Variants in INSIG2 observed in about 807,000 individuals in gnomAD.
INSIG2 encodes insulin induced gene 2.
A neutral mutation model predicts 27.2 loss-of-function variants in INSIG2; 10 were observed. That is an observed-to-expected ratio of 0.37 (90% CI 0.23 to 0.62). The LOEUF is 0.62. Among genes scored for constraint, INSIG2 ranks in the 20% least tolerant of loss-of-function variants. The pLI, the probability that INSIG2 is intolerant of heterozygous loss-of-function variation, is 0.65. For synonymous variants in INSIG2, 97 were observed against 95.8 expected (o/e 1.01, Z -0.07); for missense variants, 178 against 270.2 (o/e 0.66, Z 2.39).
chr2:118,105,747 T>G (rs763413719), intron 3 of INSIG2, among the ~76,000 whole-genome samples: 4 of 152,172 alleles, frequency 2.6e-5, no homozygotes, highest in Non-Finnish European at 1.5e-5. Context: ...ATGGCTTCGT[T>G]GCAATTTCTT....
At chr2:118,094,233 A>ATATGAT (rs200583289) in intron 1 of INSIG2, among the ~76,000 whole-genome samples, 1 of 98,400 alleles carries the variant, frequency 1.0e-5, no homozygotes, top group Non-Finnish European at 2.1e-5. Context: ...AAAAGCAACC[A>ATATGAT]GATGATGATG....
intron 1 of INSIG2, among the ~76,000 whole-genome samples, chr2:118,090,180 ATTTAAC>A (rs1174651810): frequency 2.0e-5 from 3 of 152,200 alleles, no homozygotes; most frequent in Non-Finnish European, 2.9e-5. Flanking sequence ...TGAGGTAGTA[ATTTAAC>A]TTTATTATTT....
intron 1 of INSIG2, among the ~76,000 whole-genome samples, chr2:118,092,979 T>C (rs1309487911): frequency 7.1e-6 from 1 of 140,580 alleles, no homozygotes; most frequent in Non-Finnish European, 1.5e-5. Flanking sequence ...GTTCTGTAGC[T>C]ACTGAACCTT....
intron 1 of INSIG2, among the ~76,000 whole-genome samples, chr2:118,089,865 G>C (rs1678185081): frequency 6.6e-6 from 1 of 152,240 alleles, no homozygotes; most frequent in Admixed American, 6.5e-5. Flanking sequence ...AAACGATGGA[G>C]TAACTTTTTT....
intron 3 of INSIG2, among the ~76,000 whole-genome samples, chr2:118,104,169 T>C (rs939299943): frequency 1.9e-4 from 29 of 152,138 alleles, no homozygotes; most frequent in Non-Finnish European, 3.4e-4. Context: ...AAGCAAGAAG[T>C]GTGACTCAGG....
In INSIG2 at chr2:118,108,628, C is replaced by T. The variant is rs913143994; in HGVS notation, c.*306C>T. ...TTTTAAATTAATTTTTTAAAACATG[C>T]CATACATTGTATCACAATGTTAATG... On this transcript the variant is annotated 3_prime_UTR_variant, in exon 6 of 6. Transcript: ENST00000245787. The T allele has an allele frequency of 2.9e-5, 6 of 208,414 alleles. No homozygotes were observed. Among genetic ancestry groups the T allele is most frequent in the Non-Finnish European group, 5.7e-5 (6 of 104,972 alleles). 12.9% of individuals were successfully genotyped at this position (208,414 alleles called of 1,614,324 possible). A position where few individuals can be genotyped will look rare whatever the true frequency, so the allele number is the denominator to read the frequency against.
In INSIG2 at chr2:118,106,749, G is replaced by A. The variant is rs758358013; in HGVS notation, c.382G>A (p.Asp128Asn). The change falls in exon 4 of 6, where the codon GAT (aspartate) becomes AAT (asparagine). Residue 128 changes from aspartate (D) to asparagine (N), a missense_variant. Asp to Asn is a conservative substitution (Grantham distance 23). Coordinates refer to ENST00000245787, the MANE Select transcript of INSIG2 (RefSeq NM_016133.4). ...ACACTGATCTCAGAAAGTGGATTTC[G>A]ATAACAACATACAGTTGTCTCTCAC... is the stretch of plus-strand genomic sequence containing the variant. The part of the protein sequence containing the change: ...INHASAKVDF[D>N]NNIQLSLTLA... 5.0e-6 allele frequency: 8 copies of A among 1,613,046 alleles called. No homozygotes were observed. The East Asian group carries it at 6.7e-5, about 13-fold the overall frequency.
chr2:118,098,371 T>C (rs1678461219), intron 2 of INSIG2, among the ~76,000 whole-genome samples: 1 of 152,126 alleles, frequency 6.6e-6, no homozygotes, highest in East Asian at 1.9e-4. Flanking sequence ...GGGAGAGAGA[T>C]GTTTGGCATT....
rs796196868 is a variant in INSIG2 at position 118,110,678 on chromosome 2, A to G, written c.*2356A>G. ...TTTGATAAATATATAAATGTATAGA[A>G]CCTATTTTTTTCAATGAAAGAAAAT... On this transcript the variant is annotated 3_prime_UTR_variant, in exon 6 of 6. Transcript: ENST00000245787. 11 of 152,274 alleles carry G rather than the reference A, an allele frequency of 7.2e-5. No homozygotes were observed. The highest frequency in any genetic ancestry group is 2.4e-4 in the African/African-American group (10 of 41,556). The allele number at this position is 152,274 out of a possible 1,614,324, so 9.4% of individuals were successfully genotyped here.
rs1268081310 is a variant in INSIG2, at chr2:118,096,532, A to G, written c.-25A>G. The G allele has an allele frequency of 1.3e-6, 2 of 1,539,384 alleles. No homozygotes were observed. Among genetic ancestry groups the G allele is most frequent in the East Asian group, 2.3e-5 (1 of 42,786 alleles). ...GAAGCCTTTCCATTTTTTTTTTTTT[A>G]ACGGCTTTCTGAACCTATGAAACCA... On this transcript the variant is annotated 5_prime_UTR_variant, in exon 2 of 6. Coordinates refer to ENST00000245787, the MANE Select transcript of INSIG2 (RefSeq NM_016133.4).
Position 118,096,647 on chromosome 2 carries a change from C to T in INSIG2, c.91C>T (p.Arg31Ter), listed in dbSNP as rs1678413741. The change falls in exon 2 of 6, where the codon CGA (arginine) becomes TGA (stop). Residue 31 changes from arginine to a stop codon, truncating the protein, a stop_gained. Coordinates refer to ENST00000245787, the MANE Select transcript of INSIG2 (RefSeq NM_016133.4). LOFTEE classifies it high-confidence loss of function. ...VTSQSVNLMI[R>*]GVVLFFIGVF... ...TAGCCAGAGTGTGAACTTGATGATT[C>T]GAGGAGTAGTGCTATTTTTTATTGG... 1.9e-6 allele frequency: 3 copies of T among 1,613,630 alleles called. No individual in the cohort carries two copies. The highest frequency in any genetic ancestry group is 2.5e-6 in the Non-Finnish European group (3 of 1,179,906).
intron 2 of INSIG2, among the ~76,000 whole-genome samples, chr2:118,102,350 A>G (rs1001616537): frequency 6.6e-6 from 1 of 152,238 alleles, no homozygotes; most frequent in African/African-American, 2.4e-5. Flanking sequence ...TTGGGACTCA[A>G]TCATTGACAT....
At chr2:118,094,002 A>G (rs868045646) in intron 1 of INSIG2, among the ~76,000 whole-genome samples, 2 of 46,226 alleles carry the variant, frequency 4.3e-5, no homozygotes, top group African/African-American at 1.4e-4. Flanking sequence ...ACCTTGCCAA[A>G]AGCAACCAGA....
At chr2:118,101,072 G>A (rs1227680135) in intron 2 of INSIG2, among the ~76,000 whole-genome samples, 1 of 152,088 alleles carries the variant, frequency 6.6e-6, no homozygotes, top group African/African-American at 2.4e-5. Context: ...GATTTTAACA[G>A]TCTTTCTTGT....
intron 2 of INSIG2, among the ~76,000 whole-genome samples, chr2:118,099,344 T>C (rs2104530620): frequency 6.6e-6 from 1 of 152,354 alleles, no homozygotes; most frequent in South Asian, 2.1e-4. Context: ...TAGAAAGTGC[T>C]CCTTGTTATT....
rs757373617 is a variant in INSIG2 at position 118,096,850 on chromosome 2, A to C, written c.244+50A>C. 10 of 1,572,114 alleles carry C rather than the reference A, an allele frequency of 6.4e-6. No homozygotes were observed. The Admixed American group carries it at 1.1e-4, about 17-fold the overall frequency. ...GCTTAGAAAGGAAATAGGGTAAATG[A>C]GTATGGACGTTGTCTGAGCAATAAA... On this transcript the variant is annotated intron_variant, in intron 2 of 5. Transcript: ENST00000245787.
Position 118,105,802 on chromosome 2 carries a change from G to A in INSIG2, c.370-935G>A, listed in dbSNP as rs115992453. Reference sequence around the variant, plus strand: ...TGCAGCATGGTCAGTTTGGTGATACGTGTTCTCCCAAACCTCCCCCGCCTT... The same window carrying A: ...TGCAGCATGGTCAGTTTGGTGATACATGTTCTCCCAAACCTCCCCCGCCTT... On this transcript the variant is annotated intron_variant, in intron 3 of 5. Transcript: ENST00000245787. 2.9e-3 allele frequency among the ~76,000 whole-genome samples: 444 copies of A among 152,186 alleles called. 1 individual carries two copies. The highest frequency in any genetic ancestry group is 9.8e-3 in the African/African-American group (405 of 41,512).
intron 1 of INSIG2, among the ~76,000 whole-genome samples, chr2:118,090,799 A>C (rs1678206208): frequency 6.6e-6 from 1 of 152,168 alleles, no homozygotes; most frequent in Non-Finnish European, 1.5e-5. Flanking sequence ...AGCAGGAAGA[A>C]CTCCGGACAT....
chr2:118,102,725 CT>C (rs1678576802), intron 2 of INSIG2: 2 of 157,786 alleles, frequency 1.3e-5, no homozygotes, highest in African/African-American at 4.8e-5. Context: ...GTATGATGAG[CT>C]TGTTGTATAC....
Sources: gnomAD v4.1 joint callset for allele counts (sites outside exome capture counted in the v4.1 genomes callset) on GRCh38, gnomAD v4.1.1 for gene constraint, MANE v1.5 for transcripts, NCBI Gene and HGNC (gene_info 2026-07-23, HGNC 2026-07-21) for gene names.